Variants in PTCH2 observed in about 807,000 individuals in gnomAD.
PTCH2 encodes the protein protein patched homolog 2.
PTCH2 carries 96 observed loss-of-function variants against 117.9 expected under a neutral mutation model. That is an observed-to-expected ratio of 0.81 (90% confidence interval 0.69 to 0.96). The LOEUF (loss-of-function observed/expected upper bound fraction) is 0.96, where lower values mean the gene tolerates loss of function less well. Ranked by LOEUF, PTCH2 falls within the 50% of genes least tolerant of loss-of-function variation. The pLI is 0.00. For synonymous variants in PTCH2, 615 were observed against 660.9 expected, an observed-to-expected ratio of 0.93 and a Z score of 1.06; for missense variants, 1,379 against 1,562.5, an observed-to-expected ratio of 0.88 and a Z score of 1.98.
rs1291327933 is a variant in PTCH2 at position 44,822,304 on chromosome 1, T to TGCA, written c.*108_*110dup. On this transcript the variant is annotated 3_prime_UTR_variant, in exon 22 of 22. Transcript: ENST00000372192. Reference sequence around the variant, plus strand: ...ATGACAGCTGGGTCGGGAGAGGGGATGCAGCAGCAGCAGGGCCCTCCAGGG... The same window carrying TGCA: ...ATGACAGCTGGGTCGGGAGAGGGGATGCAGCAGCAGCAGCAGGGCCCTCCAGGG... 1.6e-5 allele frequency: 26 copies of TGCA among 1,594,180 alleles called. No individual in the cohort carries two copies. The South Asian group carries it at 2.4e-4, about 15-fold the overall frequency.
In PTCH2 at chr1:44,822,044, G is replaced by T; in HGVS notation, c.*371C>A. The stretch of plus-strand genomic sequence containing the variant: ...ACATTTTCATATAAATAATGGATGT[G>T]GTAGGAGGTGGGCAGGGATATGGAG... On this transcript the variant is annotated 3_prime_UTR_variant, in exon 22 of 22. Coordinates refer to ENST00000372192, the MANE Select transcript of PTCH2 (RefSeq NM_003738.5). 1 of 1,347,642 alleles carries T rather than the reference G, an allele frequency of 7.4e-7. No homozygotes were observed. The allele number at this position is 1,347,642 out of a possible 1,614,324, so 83.5% of individuals were successfully genotyped here.
chr1:44,823,330 T>C lies in PTCH2; in HGVS notation c.3170A>G (p.His1057Arg), dbSNP rs775788908. The C allele has an allele frequency of 1.9e-5, 30 of 1,614,068 alleles. No individual in the cohort carries two copies. Among genetic ancestry groups the C allele is most frequent in the Non-Finnish European group, 2.2e-5 (26 of 1,180,026 alleles). The change falls in exon 20 of 22, where the codon CAC becomes CGC. Residue 1057 changes from histidine to arginine, a missense_variant. His to Arg is a conservative substitution (Grantham distance 29). Coordinates refer to ENST00000372192, the MANE Select transcript of PTCH2 (RefSeq NM_003738.5). The surrounding 1 kb of genome is among the most constrained non-coding windows in gnomAD (Gnocchi z 5.1). ...RNLRAAHALE[H>R]TFAPVTDGAI... ...CCCATCGGTCACGGGGGCAAATGTGTGCTCAAGGGCATGGGCGGCCCGCAG... is the reference window on the plus strand; with the variant it reads ...CCCATCGGTCACGGGGGCAAATGTGCGCTCAAGGGCATGGGCGGCCCGCAG...
At chr1:44,839,767 G>A (rs1653858410) in intron 2 of PTCH2, among the ~76,000 whole-genome samples, 1 of 152,160 alleles carries the variant, frequency 6.6e-6, no homozygotes, top group African/African-American at 2.4e-5. Context: ...GGCAGGCAGA[G>A]CGAGACATCT....
At chr1:44,824,922 T>G (rs1345384785) in intron 19 of PTCH2, among the ~76,000 whole-genome samples, 1 of 151,874 alleles carries the variant, frequency 6.6e-6, no homozygotes, top group Admixed American at 6.6e-5. Context: ...TCCACCAGCT[T>G]TAGCCTCCCA....
intron 2 of PTCH2, among the ~76,000 whole-genome samples, chr1:44,841,417 G>C (rs933169462): frequency 1.3e-5 from 2 of 152,088 alleles, no homozygotes; most frequent in Non-Finnish European, 2.9e-5. Context: ...TGATTCTGCT[G>C]GTCAGAAGTG....
rs188437092 is a variant in PTCH2, at chr1:44,826,509, G to A, written c.2955C>T (p.Asn985=). 3.0e-5 allele frequency: 49 copies of A among 1,613,924 alleles called. No homozygotes were observed. In the Admixed American group the frequency reaches 7.5e-4, roughly 25 times the overall value. ...TCACTATGAGGCCAGCCGTCCAGGGGTTGAGGAGCAGCAGAGCACAGACGA... is the reference window on the plus strand; with the variant it reads ...TCACTATGAGGCCAGCCGTCCAGGGATTGAGGAGCAGCAGAGCACAGACGA... ...TFLVCALLLL[N]PWTAGLIVLV... The change falls in exon 18 of 22, where the codon AAC becomes AAT. Residue 985 remains asparagine, a synonymous_variant. Coordinates refer to ENST00000372192, the MANE Select transcript of PTCH2 (RefSeq NM_003738.5). This position sits in a 1 kb window ranked among gnomAD's most constrained non-coding sequence, Gnocchi z 5.1.
intron 2 of PTCH2, among the ~76,000 whole-genome samples, chr1:44,832,831 G>T (rs1279599641): frequency 6.6e-6 from 1 of 152,086 alleles, no homozygotes; most frequent in Non-Finnish European, 1.5e-5. Flanking sequence ...AGTTCAGGTT[G>T]CTCTGGGCAG....
intron 6 of PTCH2, 87 bp downstream of exon 6, chr1:44,830,761 G>A (rs986716541): frequency 1.1e-4 from 154 of 1,360,458 alleles, no homozygotes; most frequent in Admixed American, 4.0e-4. Context: ...AGGGCACAGA[G>A]CAGTCAGCTC....
chr1:44,821,724 C>T (rs1434341294), downstream of PTCH2: 1 of 1,217,780 alleles, frequency 8.2e-7, no homozygotes, highest in Non-Finnish European at 1.1e-6. Context: ...GGATTTCACA[C>T]CAACAAAATT....
At chr1:44,836,619 C>T (rs770942263) in intron 2 of PTCH2, among the ~76,000 whole-genome samples, 29 of 151,952 alleles carry the variant, frequency 1.9e-4, no homozygotes, top group Admixed American at 5.3e-4. Flanking sequence ...GCAGAAGAAT[C>T]GCTTGAACCC....
intron 3 of PTCH2, 41 bp from the exon 4 acceptor site, chr1:44,832,085 G>T (rs1173168389): frequency 1.2e-6 from 2 of 1,612,388 alleles, no homozygotes; most frequent in African/African-American, 1.3e-5. Context: ...AGAAGAAGGG[G>T]ATTCCCACTC....
intron 21 of PTCH2, 128 bp from the exon 22 acceptor site, chr1:44,822,797 G>C (rs2148871424): frequency 2.9e-6 from 3 of 1,040,728 alleles, no homozygotes; most frequent in East Asian, 2.4e-5. Flanking sequence ...CAGGATATGA[G>C]AGCTGGCAGG....
rs11573547 is a variant in PTCH2 at position 44,839,488 on chromosome 1, A to G, written c.265+2359T>C. ...CCTAGGAATTGGCTACCATCCTCTT[A>G]TAAAACCCTCCCCCAAACAACAGCA... On this transcript the variant is annotated intron_variant, in intron 2 of 21. Transcript: ENST00000372192. Among the ~76,000 whole-genome samples the G allele has an allele frequency of 5.9e-5, 9 of 152,226 alleles. No individual in the cohort carries two copies. The South Asian group carries it at 1.9e-3, about 32-fold the overall frequency.
intron 19 of PTCH2, among the ~76,000 whole-genome samples, chr1:44,824,316 T>A (rs1229541301): frequency 1.3e-5 from 2 of 152,178 alleles, no homozygotes; most frequent in African/African-American, 2.4e-5. Context: ...ATAATAGAGA[T>A]ATTTGGTGGG....
chr1:44,828,044 G>A lies in PTCH2; in HGVS notation c.1857C>T (p.Pro619=). 1.2e-6 allele frequency: 2 copies of A among 1,614,166 alleles called. No individual in the cohort carries two copies. Among genetic ancestry groups the A allele is most frequent in the Non-Finnish European group, 8.5e-7 (1 of 1,180,012 alleles). ...SSQHVVTILP[P]QAHLVPPPSD... is the part of the protein sequence containing the mutation. ...AAGGTGGGGGCACCAGGTGGGCTTGGGGAGGCAGGATGGTGACCACATGCT... is the reference window on the plus strand; with the variant it reads ...AAGGTGGGGGCACCAGGTGGGCTTGAGGAGGCAGGATGGTGACCACATGCT... Residue 619 remains proline (P), a synonymous_variant, in exon 14 of 22, where the codon CCC becomes CCT. Transcript: ENST00000372192.
chr1:44,830,042 C>T lies in PTCH2; in HGVS notation c.814-12G>A. On this transcript the variant is annotated splice_polypyrimidine_tract_variant and intron_variant, in intron 6 of 21. Transcript: ENST00000372192. ...GCCACATTGGGAGCCTGGAGGGGAA[C>T]AGGAGGGGTTAATGCTCAAGGCCCT... 3 of 1,613,858 alleles carry T rather than the reference C, an allele frequency of 1.9e-6. No individual in the cohort carries two copies. The highest frequency in any genetic ancestry group is 1.7e-4 in the Middle Eastern group (1 of 6,038).
Position 44,829,506 on chromosome 1 carries a change from C to A in PTCH2, c.1111G>T (p.Ala371Ser). 2 of 1,614,170 alleles carry A rather than the reference C, an allele frequency of 1.2e-6. No individual in the cohort carries two copies. Among genetic ancestry groups the A allele is most frequent in the South Asian group, 1.1e-5 (1 of 91,076 alleles). ...QLAQEALPEN[A>S]SQQIHAFSST... Reference sequence around the variant, plus strand: ...GAGAAGGCATGGATCTGCTGGGAAGCGTTCTCAGGCAGGGCCTCCTGGGCC... The same window carrying A: ...GAGAAGGCATGGATCTGCTGGGAAGAGTTCTCAGGCAGGGCCTCCTGGGCC... Residue 371 changes from alanine (A) to serine (S), a missense_variant, in exon 9 of 22, where the codon GCT becomes TCT. Transcript: ENST00000372192.
intron 19 of PTCH2, among the ~76,000 whole-genome samples, chr1:44,825,904 A>G (rs1428332284): frequency 1.4e-5 from 2 of 147,482 alleles, no homozygotes; most frequent in Non-Finnish European, 3.0e-5. Flanking sequence ...CTGGAGTGCA[A>G]TGGCACGATC....
Position 44,842,944 on chromosome 1 carries a change from T to TG in PTCH2, c.-13dup, listed in dbSNP as rs1379590860. On this transcript the variant is annotated 5_prime_UTR_variant, in exon 1 of 22. Transcript: ENST00000372192. Reference sequence around the variant, plus strand: ...GGCGATCGAGTCATGCTGGCGGGGATGGGGGGCGCGGGCGCCCCCAACCCG... The same window carrying TG: ...GGCGATCGAGTCATGCTGGCGGGGATGGGGGGGCGCGGGCGCCCCCAACCCG... 4.7e-6 allele frequency: 7 copies of TG among 1,490,868 alleles called. No homozygotes were observed. The highest frequency in any genetic ancestry group is 2.2e-4 in the Middle Eastern group (1 of 4,556). 92.4% of individuals were successfully genotyped at this position (1,490,868 alleles called of 1,614,324 possible). A position where few individuals can be genotyped will look rare whatever the true frequency, so the allele number is the denominator to read the frequency against.
Sources: gnomAD v4.1 joint callset for allele counts (sites outside exome capture counted in the v4.1 genomes callset) on GRCh38, gnomAD v4.1.1 for gene constraint, Gnocchi (gnomAD v3.1) non-coding constraint, MANE v1.5 for transcripts, NCBI Gene and HGNC (gene_info 2026-07-23, HGNC 2026-07-21) for gene names.